The following SPRED2 variants were observed in gnomAD, a reference collection of about 807,000 sequenced individuals.
The protein encoded by SPRED2 is sprouty related EVH1 domain containing 2.
A neutral mutation model predicts 43.0 loss-of-function variants in SPRED2; 47 were observed. The ratio of observed to expected loss-of-function variants is 1.09; its 90% confidence interval spans 0.87 to 1.40. SPRED2 has a LOEUF of 1.40. SPRED2 is among the 40% of genes most tolerant of loss of function. The pLI, the probability that SPRED2 is intolerant of heterozygous loss-of-function variation, is 0.00. For missense variants in SPRED2, 561 were observed against 586.4 expected, an observed-to-expected ratio of 0.96 and a Z score of 0.45; for synonymous variants, 225 against 225.7, an observed-to-expected ratio of 1.00 and a Z score of 0.03.
intron 1 of SPRED2, among the ~76,000 whole-genome samples, chr2:65,404,990 G>A (rs1675990267): frequency 6.6e-6 from 1 of 152,176 alleles, no homozygotes. Context: ...CATCTGGCAA[G>A]GTGTTTTTCT....
chr2:65,364,306 A>G (rs538718826), intron 1 of SPRED2, among the ~76,000 whole-genome samples: 233 of 152,356 alleles, frequency 1.5e-3, no homozygotes, highest in African/African-American at 5.3e-3. Context: ...TCAGATTTGA[A>G]ACACTTTTAA....
At chr2:65,307,732 T>C (rs1315487035), downstream of SPRED2, among the ~76,000 whole-genome samples, 2 of 152,314 alleles carry the variant, frequency 1.3e-5, no homozygotes, top group East Asian at 3.9e-4. Flanking sequence ...GCTGAGGAGA[T>C]GGGGCAGGCC....
At chr2:65,383,691 T>A (rs1218025038) in intron 1 of SPRED2, among the ~76,000 whole-genome samples, 1 of 152,140 alleles carries the variant, frequency 6.6e-6, no homozygotes, top group Admixed American at 6.5e-5. Flanking sequence ...CACACGAGTA[T>A]GGAAAAGTTC....
intron 1 of SPRED2, 148 bp downstream of exon 1, chr2:65,431,814 G>T (rs565026224): frequency 4.2e-6 from 4 of 944,094 alleles, no homozygotes; most frequent in South Asian, 1.4e-5. Context: ...AACAAGCAGG[G>T]AAGCCTCGCG....
In SPRED2 at chr2:65,379,911, G is replaced by A. The variant is rs150595963; in HGVS notation, c.27-35015C>T. Among the ~76,000 whole-genome samples, 723 of 152,192 alleles carry A rather than the reference G, an allele frequency of 4.8e-3. 6 individuals are homozygous for A. Among genetic ancestry groups the A allele is most frequent in the African/African-American group, 0.016 (673 of 41,522 alleles). On this transcript the variant is annotated intron_variant, in intron 1 of 5. Transcript: ENST00000356388. ...CATGAGCCTTGAACTTTGCTTTATC[G>A]TGTTCCATGGGGACATGCATTCTTC... is the stretch of plus-strand genomic sequence containing the variant.
intron 1 of SPRED2, among the ~76,000 whole-genome samples, chr2:65,366,175 G>A (rs1674968443): frequency 6.6e-6 from 1 of 152,146 alleles, no homozygotes; most frequent in South Asian, 2.1e-4. Context: ...GTAATTGTTA[G>A]ACCACCTCCT....
At chr2:65,317,287 C>T (rs1370064564) in intron 4 of SPRED2, among the ~76,000 whole-genome samples, 3 of 152,056 alleles carry the variant, frequency 2.0e-5, no homozygotes, top group African/African-American at 4.8e-5. Flanking sequence ...CCAAGGCGGG[C>T]GGATCACCTG....
chr2:65,371,604 T>C (rs1675126171), intron 1 of SPRED2, among the ~76,000 whole-genome samples: 1 of 152,132 alleles, frequency 6.6e-6, no homozygotes, highest in Non-Finnish European at 1.5e-5. Context: ...TACTTGAAGC[T>C]AAGTCAGTTT....
intron 2 of SPRED2, among the ~76,000 whole-genome samples, chr2:65,336,206 T>C (rs1287243007): frequency 6.6e-6 from 1 of 151,940 alleles, no homozygotes; most frequent in African/African-American, 2.4e-5. Context: ...AATACAAAAA[T>C]TAGCTGGGTG....
chr2:65,327,769 G>A (rs1673680382), intron 4 of SPRED2, among the ~76,000 whole-genome samples: 2 of 129,126 alleles, frequency 1.5e-5, no homozygotes, highest in South Asian at 5.1e-4. Flanking sequence ...TGTCGCCCAG[G>A]CTGGAGTGCA....
chr2:65,387,878 C>A (rs1212761375), intron 1 of SPRED2, among the ~76,000 whole-genome samples: 1 of 151,778 alleles, frequency 6.6e-6, no homozygotes, highest in South Asian at 2.1e-4. Context: ...CTGCATTCTC[C>A]GCCTCCCACA....
intron 4 of SPRED2, among the ~76,000 whole-genome samples, chr2:65,329,363 C>T (rs906110542): frequency 1.5e-4 from 23 of 152,146 alleles, no homozygotes; most frequent in South Asian, 2.1e-4. Flanking sequence ...AGTCAATGGC[C>T]TAATTACTGG....
In SPRED2 at chr2:65,334,757, T is replaced by C. The variant is rs556500338; in HGVS notation, c.221A>G (p.Tyr74Cys). ...QKDKLVVLEC[Y>C]VRKDLVYTKA... is the part of the protein sequence containing the mutation. Reference sequence around the variant, plus strand: ...GGTGTAGACCAAGTCCTTTCTTACATAGCATTCCAATACCACCTGAAGGAT... The same window carrying C: ...GGTGTAGACCAAGTCCTTTCTTACACAGCATTCCAATACCACCTGAAGGAT... The change falls in exon 3 of 6, where the codon TAT becomes TGT. Residue 74 changes from tyrosine (Y) to cysteine (C), a missense_variant. Physicochemically the swap from Tyr to Cys is radical, Grantham distance 194 (BLOSUM62 -2). Coordinates refer to ENST00000356388, the MANE Select transcript of SPRED2 (RefSeq NM_181784.3). 17 of 1,614,100 alleles carry C rather than the reference T, an allele frequency of 1.1e-5. No homozygotes were observed. The highest frequency in any genetic ancestry group is 4.4e-5 in the South Asian group (4 of 91,088).
chr2:65,364,399 T>C (rs560899497), intron 1 of SPRED2, among the ~76,000 whole-genome samples: 3 of 152,346 alleles, frequency 2.0e-5, no homozygotes, highest in Middle Eastern at 3.4e-3. Context: ...TTGAATGATA[T>C]GAGACCTTTG....
chr2:65,421,419 TG>T (rs1477640268), intron 1 of SPRED2, among the ~76,000 whole-genome samples: 1 of 152,214 alleles, frequency 6.6e-6, no homozygotes, highest in East Asian at 1.9e-4. Flanking sequence ...GCATAATTCC[TG>T]GGGAGTTTGT....
At chr2:65,422,104 A>ACACACACACTCT (rs1299857849) in intron 1 of SPRED2, among the ~76,000 whole-genome samples, 3,416 of 128,972 alleles carry the variant, frequency 0.026, 55 homozygotes, top group Non-Finnish European at 0.041. Context: ...ACACACACAC[A>ACACACACACTCT]CTCTCTCTCT....
intron 2 of SPRED2, among the ~76,000 whole-genome samples, chr2:65,340,801 T>C (rs2104249609): frequency 6.6e-6 from 1 of 152,318 alleles, no homozygotes; most frequent in South Asian, 2.1e-4. Flanking sequence ...TGTTTCTATC[T>C]GAAAGAGCAC....
intron 1 of SPRED2, among the ~76,000 whole-genome samples, chr2:65,357,299 G>A (rs1421062075): frequency 4.6e-5 from 7 of 152,186 alleles, no homozygotes; most frequent in Non-Finnish European, 1.0e-4. Context: ...CATGCTGGAC[G>A]GCTTCACTTC....
Position 65,313,204 on chromosome 2 carries a change from G to T in SPRED2, c.*297C>A. ...AGGAAATCAACACATGGATGAGACA[G>T]TTAGCTTGGTTACAGATTGTTAATA... is the stretch of plus-strand genomic sequence containing the variant. On this transcript the variant is annotated 3_prime_UTR_variant, in exon 6 of 6. Coordinates refer to ENST00000356388, the MANE Select transcript of SPRED2 (RefSeq NM_181784.3). 8.9e-7 allele frequency: 1 copy of T among 1,119,462 alleles called. No homozygotes were observed. The highest frequency in any genetic ancestry group is 4.3e-5 in the South Asian group (1 of 23,412). The allele number at this position is 1,119,462 out of a possible 1,614,324, so 69.3% of individuals were successfully genotyped here.
Sources: gnomAD v4.1 joint callset for allele counts (sites outside exome capture counted in the v4.1 genomes callset) on GRCh38, gnomAD v4.1.1 for gene constraint, MANE v1.5 for transcripts, NCBI Gene and HGNC (gene_info 2026-07-23, HGNC 2026-07-21) for gene names.